SPINK1: variants seen among roughly 807,000 people sequenced by gnomAD.
The protein encoded by SPINK1 is serine peptidase inhibitor Kazal type 1.
A neutral mutation model predicts 9.5 loss-of-function variants in SPINK1; 5 were observed. The ratio of observed to expected loss-of-function variants is 0.52; its 90% CI spans 0.27 to 1.10. The LOEUF is 1.10. Among genes scored for constraint, SPINK1 ranks in the 50% least tolerant of loss-of-function variants. The probability of loss-of-function intolerance (pLI) is 0.11; values close to 1 mark genes in which losing one functional copy is unlikely to be tolerated. For synonymous variants in SPINK1, 37 were observed against 32.3 expected (o/e 1.14, Z -0.49); for missense variants, 88 against 92.7 (o/e 0.95, Z 0.21).
At chr5:147,838,766 T>C in the SPINK1 span, among the ~76,000 whole-genome samples, 1 of 152,202 alleles carries the variant, frequency 6.6e-6, no homozygotes, top group Non-Finnish European at 1.5e-5. Flanking sequence ...GCTCTTGATC[T>C]AATCCATCAT....
upstream of SPINK1, among the ~76,000 whole-genome samples, chr5:147,832,112 A>G (rs1267671764): frequency 6.6e-6 from 1 of 152,148 alleles, no homozygotes; most frequent in Admixed American, 6.6e-5. Context: ...AACCTAAAGT[A>G]GCTGATGGAG....
At chr5:147,829,017 T>C (rs1756461509) in intron 2 of SPINK1, among the ~76,000 whole-genome samples, 1 of 152,128 alleles carries the variant, frequency 6.6e-6, no homozygotes, top group Non-Finnish European at 1.5e-5. Flanking sequence ...ACAAATGTAA[T>C]ATTGCATTCA....
At chr5:147,836,430 T>C (rs1756597189), upstream of SPINK1, among the ~76,000 whole-genome samples, 1 of 152,110 alleles carries the variant, frequency 6.6e-6, no homozygotes, top group Non-Finnish European at 1.5e-5. Context: ...CCCTCGTCTA[T>C]GTAAACCCTG....
chr5:147,824,964 G>A (rs940582808), intron 3 of SPINK1, among the ~76,000 whole-genome samples: 7 of 152,210 alleles, frequency 4.6e-5, no homozygotes, highest in East Asian at 1.9e-4. Context: ...TACAGATCTC[G>A]TGGGGTGTTA....
Position 147,831,600 on chromosome 5 carries a change from G to A in SPINK1, c.-23C>T. On this transcript the variant is annotated 5_prime_UTR_variant, in exon 1 of 4. Coordinates refer to ENST00000296695, the MANE Select transcript of SPINK1 (RefSeq NM_001379610.1). ...CATGGCTGAAGTTCTGCGTCCAGAGGTCAGTTGAAAACTGCACCGCACTTA... is the reference window on the plus strand; with the variant it reads ...CATGGCTGAAGTTCTGCGTCCAGAGATCAGTTGAAAACTGCACCGCACTTA... 3 of 1,613,004 alleles carry A rather than the reference G, an allele frequency of 1.9e-6. No individual in the cohort carries two copies. Among genetic ancestry groups the A allele is most frequent in the Non-Finnish European group, 2.5e-6 (3 of 1,179,610 alleles).
chr5:147,824,836 CTCTG>C (rs1296395852), intron 3 of SPINK1, 130 bp from the exon 4 acceptor site: 5 of 806,188 alleles, frequency 6.2e-6, no homozygotes, highest in African/African-American at 3.5e-5. Flanking sequence ...ATAATCTTTT[CTCTG>C]TCTTTCATTC....
chr5:147,836,484 AT>A (rs1756599370), upstream of SPINK1, among the ~76,000 whole-genome samples: 1 of 151,936 alleles, frequency 6.6e-6, no homozygotes, highest in South Asian at 2.1e-4. Flanking sequence ...GGAAATTCTA[AT>A]TTTTCATTTT....
rs77945696 is a variant in SPINK1 at position 147,827,938 on chromosome 5, C to T, written c.194+84G>A. 2.4e-3 allele frequency: 2,518 copies of T among 1,041,508 alleles called. 32 individuals are homozygous for T. In the African/African-American group the frequency reaches 0.032, roughly 13 times the overall value. The allele number at this position is 1,041,508 out of a possible 1,614,324, so 64.5% of individuals were successfully genotyped here. On this transcript the variant is annotated intron_variant, in intron 3 of 3. Transcript: ENST00000296695. ...GAAAAAGTAAATAGTTTGCTTTTCT[C>T]GGGGTGAGATTCATATTATCAGTAC... is the stretch of plus-strand genomic sequence containing the variant.
chr5:147,827,989 T>C, intron 3 of SPINK1, 33 bp downstream of exon 3: 3 of 1,505,390 alleles, frequency 2.0e-6, no homozygotes, highest in Non-Finnish European at 2.8e-6. Flanking sequence ...ACTTAAAATA[T>C]ATAGTTTAAA....
upstream of SPINK1, among the ~76,000 whole-genome samples, chr5:147,835,622 CTAAT>C (rs1756583380): frequency 6.6e-6 from 1 of 152,080 alleles, no homozygotes; most frequent in Non-Finnish European, 1.5e-5. Context: ...GATTCAAGGA[CTAAT>C]TATTCACCTG....
intron 1 of SPINK1, 108 bp from the exon 2 acceptor site, chr5:147,829,738 C>A: frequency 1.0e-6 from 1 of 972,504 alleles, no homozygotes; most frequent in Non-Finnish European, 1.6e-6. Flanking sequence ...CTTTACTAGG[C>A]TCTTTCATTC....
chr5:147,833,186 G>T (rs1265617129), upstream of SPINK1, among the ~76,000 whole-genome samples: 1 of 152,166 alleles, frequency 6.6e-6, no homozygotes, highest in African/African-American at 2.4e-5. Context: ...TGAGGCTGAC[G>T]CTGGTTTGAC....
the SPINK1 span, among the ~76,000 whole-genome samples, chr5:147,837,660 T>TCTTA: frequency 9.1e-6 from 1 of 109,888 alleles, no homozygotes; most frequent in Admixed American, 8.8e-5. Flanking sequence ...TTTCTTTCTT[T>TCTTA]CTTTCTTTCT....
At chr5:147,838,658 C>T in the SPINK1 span, among the ~76,000 whole-genome samples, 10 of 152,080 alleles carry the variant, frequency 6.6e-5, no homozygotes, top group African/African-American at 2.2e-4. Flanking sequence ...TTTAACAATT[C>T]TTCTTTCCCA....
At chr5:147,826,735 A>ATTTTTGGGTTT (rs1756411103) in intron 3 of SPINK1, among the ~76,000 whole-genome samples, 4 of 152,176 alleles carry the variant, frequency 2.6e-5, no homozygotes, top group Admixed American at 2.0e-4. Flanking sequence ...AGAATACCTA[A>ATTTTTGGGTTT]TGTTTTGGGT....
chr5:147,838,249 T>C, the SPINK1 span, among the ~76,000 whole-genome samples: 1 of 152,206 alleles, frequency 6.6e-6, no homozygotes, highest in Admixed American at 6.5e-5. Flanking sequence ...AAAACAAATG[T>C]TTCTTGTAAC....
chr5:147,839,069 T>C, the SPINK1 span, among the ~76,000 whole-genome samples: 1 of 152,162 alleles, frequency 6.6e-6, no homozygotes, highest in Non-Finnish European at 1.5e-5. Flanking sequence ...CTGCGTACTT[T>C]ATAAAGGAAA....
At chr5:147,830,420 A>C (rs1241904905) in intron 1 of SPINK1, among the ~76,000 whole-genome samples, 1 of 152,216 alleles carries the variant, frequency 6.6e-6, no homozygotes, top group Non-Finnish European at 1.5e-5. Context: ...CCTGAAAATT[A>C]ATTTTAATAT....
chr5:147,829,506 T>G (rs938637474), intron 2 of SPINK1, 93 bp downstream of exon 2: 1 of 1,254,884 alleles, frequency 8.0e-7, no homozygotes, highest in Non-Finnish European at 1.2e-6. Context: ...CCTCTTAACT[T>G]CAGGCTAAAC....
Sources: allele counts gnomAD v4.1 joint callset (sites outside exome capture counted in the v4.1 genomes callset), GRCh38; gene constraint gnomAD v4.1.1; transcripts MANE v1.5; gene names NCBI Gene and HGNC (gene_info 2026-07-23, HGNC 2026-07-21).